ARHGAP31: variants seen among roughly 807,000 people sequenced by gnomAD.
ARHGAP31 encodes rho GTPase-activating protein 31.
In ARHGAP31, 34 loss-of-function variants were observed where a neutral mutation model predicts 113.9. That is an observed-to-expected ratio of 0.30 (90% confidence interval 0.23 to 0.40). The LOEUF (loss-of-function observed/expected upper bound fraction) is 0.40. ARHGAP31 is among the 10% of genes least tolerant of loss of function. The pLI, the probability that ARHGAP31 is intolerant of heterozygous loss-of-function variation, is 1.00. For missense variants in ARHGAP31, 1,548 were observed against 1,767.1 expected, an observed-to-expected ratio of 0.88 and a Z score of 2.22; for synonymous variants, 650 against 684.8, an observed-to-expected ratio of 0.95 and a Z score of 0.79.
At chr3:119,370,399 GT>G (rs1209640170) in intron 3 of ARHGAP31, among the ~76,000 whole-genome samples, 1 of 152,072 alleles carries the variant, frequency 6.6e-6, no homozygotes, top group Non-Finnish European at 1.5e-5. Flanking sequence ...TTTTGTTGTG[GT>G]TTGTGTTTTG....
Position 119,415,799 on chromosome 3 carries a change from A to G in ARHGAP31, c.3870A>G (p.Pro1290=). Residue 1290 remains proline (P), a synonymous_variant, in exon 12 of 12, where the codon CCA becomes CCG. Transcript: ENST00000264245. ...TGTGCGAGGGACCTACCCTTTCTCC[A>G]GAACCAGGCTCGTCTAACCTGCTCT... ...PCMCEGPTLS[P]EPGSSNLLST... The G allele has an allele frequency of 6.2e-7, 1 of 1,614,246 alleles. No individual in the cohort carries two copies. The highest frequency in any genetic ancestry group is 2.2e-5 in the East Asian group (1 of 44,888).
intron 1 of ARHGAP31, among the ~76,000 whole-genome samples, chr3:119,309,175 T>G (rs747839816): frequency 1.3e-5 from 2 of 152,182 alleles, no homozygotes; most frequent in Non-Finnish European, 2.9e-5. Context: ...TTAGAAATAC[T>G]CCCTAAATTC....
intron 2 of ARHGAP31, 35 bp downstream of exon 2, chr3:119,365,453 C>T: frequency 1.3e-6 from 2 of 1,555,658 alleles, no homozygotes; most frequent in Non-Finnish European, 1.8e-6. Context: ...AGAATTCTCC[C>T]ATGATTCCTC....
chr3:119,342,108 A>C (rs1315796929), intron 1 of ARHGAP31, among the ~76,000 whole-genome samples: 1 of 152,076 alleles, frequency 6.6e-6, no homozygotes, highest in Non-Finnish European at 1.5e-5. Flanking sequence ...TATTCCTCAA[A>C]GTAGAGTCCC....
intron 1 of ARHGAP31, among the ~76,000 whole-genome samples, chr3:119,323,125 G>A (rs140692721): frequency 0.018 from 2,810 of 152,338 alleles, 31 homozygotes; most frequent in Non-Finnish European, 0.029. Context: ...CCGCCCAGCG[G>A]TTTCTGATCC....
At chr3:119,332,633 TCTCACACACACACACACACA>T (rs1218482435) in intron 1 of ARHGAP31, among the ~76,000 whole-genome samples, 3 of 61,548 alleles carry the variant, frequency 4.9e-5, no homozygotes, top group Non-Finnish European at 7.1e-5. Context: ...TCTCTCTCTC[TCTCACACACACACACACACA>T]CACACACACA....
chr3:119,298,614 CTTTG>C (rs2079553989), intron 1 of ARHGAP31: 1 of 152,196 alleles, frequency 6.6e-6, no homozygotes, highest in African/African-American at 2.4e-5. Context: ...TCTGAGCAAT[CTTTG>C]TTTATTTTAC....
At chr3:119,335,031 A>G (rs2079930357) in intron 1 of ARHGAP31, among the ~76,000 whole-genome samples, 1 of 152,232 alleles carries the variant, frequency 6.6e-6, no homozygotes, top group South Asian at 2.1e-4. Context: ...TATGCTGTAG[A>G]AGAACACTTG....
intron 1 of ARHGAP31, among the ~76,000 whole-genome samples, chr3:119,332,675 A>ACACG (rs2079905829): frequency 6.9e-6 from 1 of 145,886 alleles, no homozygotes; most frequent in Non-Finnish European, 1.5e-5. Flanking sequence ...ACACACACAC[A>ACACG]CGCATGCACG....
Position 119,409,652 on chromosome 3 carries a change from AATT to A in ARHGAP31, c.1804_1806del (p.Leu602del), listed in dbSNP as rs746065618. 3.1e-6 allele frequency: 5 copies of A among 1,612,856 alleles called. No individual in the cohort carries two copies. In the African/African-American group the frequency reaches 6.7e-5, roughly 22 times the overall value. On this transcript the variant is annotated inframe_deletion, in exon 11 of 12. Coordinates refer to ENST00000264245, the MANE Select transcript of ARHGAP31 (RefSeq NM_020754.4). ...TCCTTGAGCTCTCAACATTTAAATGAATTAGAGAAGAGGCCAAATCCGGAGAAG... is the reference window on the plus strand; with the variant it reads ...TCCTTGAGCTCTCAACATTTAAATGAAGAGAAGAGGCCAAATCCGGAGAAG...
intron 1 of ARHGAP31, among the ~76,000 whole-genome samples, chr3:119,354,426 T>C (rs2080137512): frequency 6.6e-6 from 1 of 152,170 alleles, no homozygotes; most frequent in South Asian, 2.1e-4. Flanking sequence ...TCATTGATTT[T>C]CTACCACTTA....
intron 1 of ARHGAP31, among the ~76,000 whole-genome samples, chr3:119,322,250 G>C (rs1026372544): frequency 6.6e-6 from 1 of 152,234 alleles, no homozygotes; most frequent in African/African-American, 2.4e-5. Context: ...CAAGAAGGGA[G>C]CTGGCTTTAG....
At chr3:119,308,290 C>T (rs1367977661) in intron 1 of ARHGAP31, among the ~76,000 whole-genome samples, 1 of 152,146 alleles carries the variant, frequency 6.6e-6, no homozygotes, top group African/African-American at 2.4e-5. Flanking sequence ...AACAAATTAC[C>T]ACAAACTTAA....
chr3:119,305,851 G>A (rs2079626982), intron 1 of ARHGAP31, among the ~76,000 whole-genome samples: 1 of 152,220 alleles, frequency 6.6e-6, no homozygotes, highest in African/African-American at 2.4e-5. Context: ...AGCTGTAGCT[G>A]CCCTGGACAC....
intron 1 of ARHGAP31, among the ~76,000 whole-genome samples, chr3:119,329,008 G>A (rs1413230698): frequency 6.6e-6 from 1 of 152,154 alleles, no homozygotes; most frequent in Non-Finnish European, 1.5e-5. Context: ...TCATTATTAT[G>A]ATTCTAAAAG....
intron 1 of ARHGAP31, among the ~76,000 whole-genome samples, chr3:119,336,290 A>G (rs1328283187): frequency 6.6e-6 from 1 of 152,208 alleles, no homozygotes; most frequent in Non-Finnish European, 1.5e-5. Context: ...AATGGGTATC[A>G]CTTTATTTTT....
intron 1 of ARHGAP31, among the ~76,000 whole-genome samples, chr3:119,355,963 G>A (rs555880341): frequency 1.3e-5 from 2 of 152,166 alleles, no homozygotes; most frequent in Non-Finnish European, 2.9e-5. Context: ...TATTCTAGAT[G>A]AATAAGACAC....
chr3:119,349,046 A>G (rs1478438891), intron 1 of ARHGAP31, among the ~76,000 whole-genome samples: 1 of 151,964 alleles, frequency 6.6e-6, no homozygotes, highest in Non-Finnish European at 1.5e-5. Context: ...GAATATCATC[A>G]CCCCTTGCTG....
rs925620305 is a variant in ARHGAP31 at position 119,419,761 on chromosome 3, T to C, written c.*3497T>C. On this transcript the variant is annotated 3_prime_UTR_variant, in exon 12 of 12. Transcript: ENST00000264245. ...ACACAATTGCAAATCCAATAGAACA[T>C]CCCAGTGAGACACTCGGGTATTTGA... 6.6e-6 allele frequency: 1 copy of C among 152,116 alleles called. No homozygotes were observed. Among genetic ancestry groups the C allele is most frequent in the Non-Finnish European group, 1.5e-5 (1 of 68,020 alleles). The allele number at this position is 152,116 out of a possible 1,614,324, so 9.4% of individuals were successfully genotyped here.
Sources: allele counts gnomAD v4.1 joint callset (sites outside exome capture counted in the v4.1 genomes callset), GRCh38; gene constraint gnomAD v4.1.1; transcripts MANE v1.5; gene names NCBI Gene and HGNC (gene_info 2026-07-23, HGNC 2026-07-21).